Variants in TRPV6 observed in about 807,000 individuals in gnomAD.
The protein encoded by TRPV6 is Alu-binding protein with zinc finger domain.
TRPV6 carries 39 observed loss-of-function variants against 79.0 expected under a neutral mutation model. That is an observed-to-expected ratio of 0.49 (90% CI 0.38 to 0.64). The LOEUF (loss-of-function observed/expected upper bound fraction) is 0.64, where lower values mean the gene tolerates loss of function less well. Among genes scored for constraint, TRPV6 ranks in the 30% least tolerant of loss-of-function variants. The probability of loss-of-function intolerance (pLI) is 0.00; values close to 1 mark genes in which losing one functional copy is unlikely to be tolerated. For synonymous variants in TRPV6, 373 were observed against 391.9 expected (o/e 0.95, Z 0.57); for missense variants, 813 against 1,011.1 (o/e 0.80, Z 2.66).
At position 142,877,172 on chromosome 7, in the gene TRPV6, G is replaced by C. The variant is rs148239732; in HGVS notation, c.577C>G (p.Arg193Gly). 5.0e-6 allele frequency: 8 copies of C among 1,614,056 alleles called. No homozygotes were observed. Among genetic ancestry groups the C allele is most frequent in the Non-Finnish European group, 6.8e-6 (8 of 1,180,042 alleles). ...TAGATGAGGTTGCAGGGACTACGGCGGAAGGCAGTGCCTGTGGCTCTGGCA... is the reference window on the plus strand; with the variant it reads ...TAGATGAGGTTGCAGGGACTACGGCCGAAGGCAGTGCCTGTGGCTCTGGCA... The change falls in exon 4 of 15, where the codon CGC becomes GGC. Residue 193 changes from arginine to glycine, a missense_variant. By Grantham distance (125) the Arg-to-Gly change is moderately radical. Around this residue, in one of 3 missense-constraint regions of TRPV6, gnomAD observed 555 missense variants for 631.0 expected, o/e 0.88. Coordinates refer to ENST00000359396, the MANE Select transcript of TRPV6 (RefSeq NM_018646.6).
Position 142,874,956 on chromosome 7 carries a change from C to A in TRPV6, c.1354G>T (p.Val452Phe). ...ATGGTCTGTCCAAAGAAGCGAGTGACCCCCATTCTGAAGATGTCTGGAACC... is the reference window on the plus strand; with the variant it reads ...ATGGTCTGTCCAAAGAAGCGAGTGAACCCCATTCTGAAGATGTCTGGAACC... The change falls in exon 10 of 15, where the codon GTC becomes TTC. Residue 452 changes from valine to phenylalanine, a missense_variant. By Grantham distance (50) the Val-to-Phe change is conservative. Around this residue, in one of 3 missense-constraint regions of TRPV6, gnomAD observed 555 missense variants for 631.0 expected, o/e 0.88. Transcript: ENST00000359396. 3 of 1,614,072 alleles carry A rather than the reference C, an allele frequency of 1.9e-6. No individual in the cohort carries two copies. The highest frequency in any genetic ancestry group is 2.2e-5 in the East Asian group (1 of 44,848).
At chr7:142,885,166 C>A (rs560289260) in intron 1 of TRPV6, 1 of 428,336 alleles carries the variant, frequency 2.3e-6, no homozygotes, top group Non-Finnish European at 4.1e-6. Flanking sequence ...CGAATTAGAT[C>A]TTAAGATAGT....
At chr7:142,885,162 A>C in intron 1 of TRPV6, 1 of 401,558 alleles carries the variant, frequency 2.5e-6, no homozygotes, top group Non-Finnish European at 4.4e-6. Flanking sequence ...GAATCGAATT[A>C]GATCTTAAGA....
chr7:142,874,898 A>G lies in TRPV6; in HGVS notation c.1406+6T>C, dbSNP rs746275353. Reference sequence around the variant, plus strand: ...AAGGGATGGGAGTGAGAGGAAGGAAACTCACATGAGGACATGGAATGGGCC... The same window carrying G: ...AAGGGATGGGAGTGAGAGGAAGGAAGCTCACATGAGGACATGGAATGGGCC... On this transcript the variant is annotated splice_donor_region_variant and intron_variant, in intron 10 of 14. Coordinates refer to ENST00000359396, the MANE Select transcript of TRPV6 (RefSeq NM_018646.6). 2 of 1,614,006 alleles carry G rather than the reference A, an allele frequency of 1.2e-6. No homozygotes were observed. The highest frequency in any genetic ancestry group is 1.1e-5 in the South Asian group (1 of 91,070).
rs772972717 is a variant in TRPV6, at chr7:142,876,390, A to G, written c.882+18T>C. 9.9e-6 allele frequency: 16 copies of G among 1,609,870 alleles called. No homozygotes were observed. In the African/African-American group the frequency reaches 1.9e-4, roughly 19 times the overall value. ...GGGTCATTAGAAAGACACCTCAGGG[A>G]TGGGGACCGTCTCTCACCACAGTGT... On this transcript the variant is annotated intron_variant, in intron 6 of 14. Coordinates refer to ENST00000359396, the MANE Select transcript of TRPV6 (RefSeq NM_018646.6).
intron 1 of TRPV6, chr7:142,878,320 C>T (rs1795122746): frequency 2.1e-6 from 1 of 466,770 alleles, no homozygotes; most frequent in African/African-American, 2.0e-5. Context: ...ATTATCAGTG[C>T]ATTTCAGGTA....
intron 1 of TRPV6, 166 bp downstream of exon 1, chr7:142,885,223 A>T: frequency 1.4e-6 from 1 of 702,626 alleles, no homozygotes; most frequent in Non-Finnish European, 2.2e-6. Context: ...CCAGCCCTAC[A>T]GGCTGAGGCT....
chr7:142,873,827 T>C lies in TRPV6; in HGVS notation c.1640-111A>G. On this transcript the variant is annotated intron_variant, in intron 12 of 14. Transcript: ENST00000359396. The surrounding 1 kb of genome is among the most constrained non-coding windows in gnomAD (Gnocchi z 4.8). The stretch of plus-strand genomic sequence containing the variant: ...GTCCCTTCATCTCAATATCACCAGC[T>C]CTGCAGTGCTCCAAACTTTGGGTTT... 1 of 1,456,046 alleles carries C rather than the reference T, an allele frequency of 6.9e-7. No individual in the cohort carries two copies. Among genetic ancestry groups the C allele is most frequent in the Non-Finnish European group, 9.4e-7 (1 of 1,061,320 alleles). The allele number at this position is 1,456,046 out of a possible 1,614,324, so 90.2% of individuals were successfully genotyped here.
In TRPV6 at chr7:142,885,600, C is replaced by G. The variant is rs1338387722; in HGVS notation, c.37G>C (p.Gly13Arg). The change falls in exon 1 of 15, where the codon GGG becomes CGG. Residue 13 changes from glycine to arginine, a missense_variant. Physicochemically the swap from Gly to Arg is moderately radical, Grantham distance 125. This residue lies in a region of TRPV6 where 555 missense variants were observed against 631.0 expected (regional missense o/e 0.88). Coordinates refer to ENST00000359396, the MANE Select transcript of TRPV6 (RefSeq NM_018646.6). ...AGCCTTGGGGCCACATCAGCCCCCC[C>G]AAGGGCCGGCCCACCGTCTCCCTGT... 2 of 1,488,918 alleles carry G rather than the reference C, an allele frequency of 1.3e-6. No individual in the cohort carries two copies. Among genetic ancestry groups the G allele is most frequent in the East Asian group, 2.4e-5 (1 of 42,192 alleles). The allele number at this position is 1,488,918 out of a possible 1,614,324, so 92.2% of individuals were successfully genotyped here. A position where few individuals can be genotyped will look rare whatever the true frequency, so the allele number is the denominator to read the frequency against.
chr7:142,877,545 G>A, intron 3 of TRPV6, 106 bp downstream of exon 3: 3 of 1,523,590 alleles, frequency 2.0e-6, no homozygotes, highest in South Asian at 2.6e-5. Flanking sequence ...AAAAGAGTAG[G>A]AGGCTCAGAT....
rs1795023666 is a variant in TRPV6 at position 142,874,895 on chromosome 7, G to A, written c.1406+9C>T. 1 of 1,613,994 alleles carries A rather than the reference G, an allele frequency of 6.2e-7. No homozygotes were observed. Among genetic ancestry groups the A allele is most frequent in the African/African-American group, 1.3e-5 (1 of 74,900 alleles). ...GGGAAGGGATGGGAGTGAGAGGAAG[G>A]AAACTCACATGAGGACATGGAATGG... On this transcript the variant is annotated intron_variant, in intron 10 of 14. Transcript: ENST00000359396.
At position 142,871,267 on chromosome 7, in the gene TRPV6, C is replaced by A. The variant is rs1183434794; in HGVS notation, c.*440G>T. The A allele has an allele frequency of 8.2e-6, 4 of 490,032 alleles. No individual in the cohort carries two copies. The highest frequency in any genetic ancestry group is 1.5e-5 in the Non-Finnish European group (4 of 267,450). 30.4% of individuals were successfully genotyped at this position (490,032 alleles called of 1,614,324 possible). A position where few individuals can be genotyped will look rare whatever the true frequency, so the allele number is the denominator to read the frequency against. ...TGGCAAGACCTAGCCCCACTTCCCACCCCCAGAGCCGTTCCTGTCTCCCTC... is the reference window on the plus strand; with the variant it reads ...TGGCAAGACCTAGCCCCACTTCCCAACCCCAGAGCCGTTCCTGTCTCCCTC... On this transcript the variant is annotated 3_prime_UTR_variant, in exon 15 of 15. Transcript: ENST00000359396.
In TRPV6 at chr7:142,872,417, C is replaced by A. The variant is rs1794960700; in HGVS notation, c.1970G>T (p.Gly657Val). The A allele has an allele frequency of 1.9e-6, 3 of 1,614,138 alleles. No homozygotes were observed. In the Admixed American group the frequency reaches 5.0e-5, roughly 27 times the overall value. The change falls in exon 14 of 15, where the codon GGG (glycine) becomes GTG (valine). Residue 657 changes from glycine to valine, a missense_variant. Physicochemically the swap from Gly to Val is moderately radical, Grantham distance 109. Around this residue, in one of 3 missense-constraint regions of TRPV6, gnomAD observed 164 missense variants for 186.1 expected, o/e 0.88. Coordinates refer to ENST00000359396, the MANE Select transcript of TRPV6 (RefSeq NM_018646.6). ...CAGGCCATACTCCCGTCCGCAGATC[C>A]CGGAGCGAGGCCACAGGCAGCGAGG...
intron 11 of TRPV6, 130 bp from the exon 12 acceptor site, chr7:142,874,272 G>T: frequency 8.3e-7 from 1 of 1,202,084 alleles, no homozygotes; most frequent in Non-Finnish European, 1.2e-6. Flanking sequence ...GCTATCTATG[G>T]CCTGTGGACC....
In TRPV6 at chr7:142,875,098, T is replaced by C. The variant is rs1012823605; in HGVS notation, c.1309A>G (p.Ile437Val). The C allele has an allele frequency of 3.7e-6, 6 of 1,614,118 alleles. No homozygotes were observed. Among genetic ancestry groups the C allele is most frequent in the Non-Finnish European group, 5.1e-6 (6 of 1,180,022 alleles). Residue 437 changes from isoleucine to valine, a missense_variant, in exon 9 of 15, where the codon ATC (isoleucine) becomes GTC (valine). Physicochemically the swap from Ile to Val is conservative, Grantham distance 29 (BLOSUM62 3). This residue lies in a region of TRPV6 where 555 missense variants were observed against 631.0 expected (regional missense o/e 0.88). Coordinates refer to ENST00000359396, the MANE Select transcript of TRPV6 (RefSeq NM_018646.6). ...CTCACCTCTACCAGCAGGATGATGA[T>C]AGCCCCAATGACAGTCACCAGCTCC...
At chr7:142,882,824 C>T (rs540014872) in intron 1 of TRPV6, 1 of 152,204 alleles carries the variant, frequency 6.6e-6, no homozygotes, top group East Asian at 1.9e-4. Context: ...AGGTATTTAA[C>T]CCTAAAAAAA....
rs1211706901 is a variant in TRPV6, at chr7:142,876,495, A to T, written c.795T>A (p.His265Gln). 1 of 1,614,160 alleles carries T rather than the reference A, an allele frequency of 6.2e-7. No individual in the cohort carries two copies. The highest frequency in any genetic ancestry group is 1.7e-4 in the Middle Eastern group (1 of 6,060). The change falls in exon 6 of 15, where the codon CAT becomes CAA. Residue 265 changes from histidine (H) to glutamine (Q), a missense_variant. Physicochemically the swap from His to Gln is conservative, Grantham distance 24. Coordinates refer to ENST00000359396, the MANE Select transcript of TRPV6 (RefSeq NM_018646.6). The stretch of plus-strand genomic sequence containing the variant: ...GGTCCAGGGGCTGCAGGTGGTCCCC[A>T]TGTCTGTCGTAGGACAGCAACAGGT...
At position 142,877,213 on chromosome 7, in the gene TRPV6, C is replaced by G; in HGVS notation, c.536G>C (p.Arg179Pro). The G allele has an allele frequency of 6.2e-7, 1 of 1,614,190 alleles. No individual in the cohort carries two copies. Among genetic ancestry groups the G allele is most frequent in the Non-Finnish European group, 8.5e-7 (1 of 1,180,022 alleles). The change falls in exon 4 of 15, where the codon CGC becomes CCC. Residue 179 changes from arginine (R) to proline (P), a missense_variant. Physicochemically the swap from Arg to Pro is moderately radical, Grantham distance 103. Around this residue, in one of 3 missense-constraint regions of TRPV6, gnomAD observed 555 missense variants for 631.0 expected, o/e 0.88. Transcript: ENST00000359396. ...GGCTCTGGCAGAGACACTGGCCCTG[C>G]GGGCAAGCAGGGCTCGCACCAGGTT... is the stretch of plus-strand genomic sequence containing the variant.
chr7:142,876,926 C>A lies in TRPV6; in HGVS notation c.608-89G>T, dbSNP rs143377162. The A allele has an allele frequency of 2.0e-5, 31 of 1,542,556 alleles. No individual in the cohort carries two copies. The East Asian group carries it at 4.7e-4, about 24-fold the overall frequency. ...CCCCAAGTGACAGCCTTATCTTCCC[C>A]CACATCTCAGCTCAGGGCTTGAGGA... On this transcript the variant is annotated intron_variant, in intron 4 of 14. Transcript: ENST00000359396.
Sources: gnomAD v4.1 joint callset for allele counts on GRCh38, gnomAD v4.1.1 for gene constraint, gnomAD v4.1.1 regional missense constraint, Gnocchi (gnomAD v3.1) non-coding constraint, MANE v1.5 for transcripts, NCBI Gene and HGNC (gene_info 2026-07-23, HGNC 2026-07-21) for gene names.